GLB1: variants seen among roughly 807,000 people sequenced by gnomAD.
GLB1 encodes the protein galactosidase beta 1.
GLB1 carries 56 observed loss-of-function variants against 74.0 expected under a neutral mutation model. That is an observed-to-expected ratio of 0.76 (90% CI 0.61 to 0.94). The LOEUF is 0.94. Ranked by LOEUF, GLB1 falls within the 40% of genes least tolerant of loss-of-function variation. GLB1 has a pLI of 0.00. For synonymous variants in GLB1, 323 were observed against 323.6 expected, an observed-to-expected ratio of 1.00 and a Z score of 0.02; for missense variants, 787 against 845.5, an observed-to-expected ratio of 0.93 and a Z score of 0.86.
At chr3:32,963,759 T>C in the GLB1 span, among the ~76,000 whole-genome samples, 1 of 152,228 alleles carries the variant, frequency 6.6e-6, no homozygotes, top group African/African-American at 2.4e-5. Context: ...CCCAAACTGT[T>C]AGCCATTTTA....
intron 11 of GLB1, among the ~76,000 whole-genome samples, chr3:33,024,038 T>A (rs1255466081): frequency 6.6e-6 from 1 of 152,216 alleles, no homozygotes; most frequent in Admixed American, 6.5e-5. Flanking sequence ...ATGTCTCATC[T>A]GCTCATCCTG....
chr3:32,997,416 T>C lies in GLB1; in HGVS notation c.1735-72A>G. 1.4e-5 allele frequency: 23 copies of C among 1,597,392 alleles called. No individual in the cohort carries two copies. In the South Asian group the frequency reaches 2.1e-4, roughly 15 times the overall value. On this transcript the variant is annotated intron_variant, in intron 15 of 15. Transcript: ENST00000307363. Reference sequence around the variant, plus strand: ...GCCCTGAGGAAGGTGGGGGCCCTGATGTAGGGCAGGCCAGCAGCAATGGAG... The same window carrying C: ...GCCCTGAGGAAGGTGGGGGCCCTGACGTAGGGCAGGCCAGCAGCAATGGAG...
At chr3:33,076,953 A>G in intron 1 of GLB1, 1 of 778,398 alleles carries the variant, frequency 1.3e-6, no homozygotes, top group South Asian at 1.9e-5. Flanking sequence ...CCCGGACACA[A>G]TGGCTCATGC....
chr3:32,996,793 C>A lies in GLB1; in HGVS notation c.*252G>T. ...ATTCTTCCAAAATAAAAATCACTACCACCTTTAAAGCTTCCATTCCAGCCC... is the reference window on the plus strand; with the variant it reads ...ATTCTTCCAAAATAAAAATCACTACAACCTTTAAAGCTTCCATTCCAGCCC... On this transcript the variant is annotated 3_prime_UTR_variant, in exon 16 of 16. Coordinates refer to ENST00000307363, the MANE Select transcript of GLB1 (RefSeq NM_000404.4). The A allele has an allele frequency of 1.9e-6, 1 of 540,346 alleles. No individual in the cohort carries two copies. Among genetic ancestry groups the A allele is most frequent in the Non-Finnish European group, 3.2e-6 (1 of 311,888 alleles). The allele number at this position is 540,346 out of a possible 1,614,324, so 33.5% of individuals were successfully genotyped here. A position where few individuals can be genotyped will look rare whatever the true frequency, so the allele number is the denominator to read the frequency against.
intron 10 of GLB1, among the ~76,000 whole-genome samples, chr3:33,037,423 C>G (rs1698327069): frequency 6.6e-6 from 1 of 152,088 alleles, no homozygotes; most frequent in South Asian, 2.1e-4. Context: ...TATACCTCAA[C>G]AAATCTGTTT....
chr3:33,065,987 AAT>A (rs1699663318), intron 4 of GLB1, among the ~76,000 whole-genome samples: 1 of 150,900 alleles, frequency 6.6e-6, no homozygotes, highest in African/African-American at 2.4e-5. Flanking sequence ...AAAAAAAAAA[AAT>A]TATGATTTAG....
intron 10 of GLB1, chr3:33,045,325 C>T (rs1698697220): frequency 2.1e-6 from 2 of 971,262 alleles, no homozygotes; most frequent in Admixed American, 6.2e-5. Context: ...TATTGAGTGC[C>T]ATTTATTTTT....
chr3:33,082,906 T>A (rs1700373677), intron 1 of GLB1, among the ~76,000 whole-genome samples: 2 of 152,008 alleles, frequency 1.3e-5, no homozygotes, highest in Admixed American at 1.3e-4. Context: ...AGAGAGGGGA[T>A]CAAGATGGAC....
At chr3:33,029,809 GTA>G (rs1491192916) in intron 10 of GLB1, among the ~76,000 whole-genome samples, 1 of 152,116 alleles carries the variant, frequency 6.6e-6, no homozygotes, top group East Asian at 1.9e-4. Context: ...AGGGTGGTAG[GTA>G]GGAGGAGGCA....
At chr3:33,092,006 C>T (rs1700784062) in intron 1 of GLB1, 5 of 984,470 alleles carry the variant, frequency 5.1e-6, no homozygotes, top group Non-Finnish European at 6.0e-6. Context: ...TCTCTCTTTG[C>T]CTTGGTTTCC....
At chr3:33,053,056 G>A (rs1007135715) in intron 7 of GLB1, among the ~76,000 whole-genome samples, 2 of 152,178 alleles carry the variant, frequency 1.3e-5, no homozygotes, top group South Asian at 2.1e-4. Flanking sequence ...CGGGAAGAAC[G>A]GAGAGAGAAG....
chr3:33,075,974 G>A (rs1334549315), intron 1 of GLB1, among the ~76,000 whole-genome samples: 4 of 151,738 alleles, frequency 2.6e-5, no homozygotes, highest in Non-Finnish European at 5.9e-5. Context: ...GAACCTGGGA[G>A]GCGGAGCTTG....
intron 12 of GLB1, among the ~76,000 whole-genome samples, chr3:33,019,683 G>T (rs550478414): frequency 6.6e-6 from 1 of 152,246 alleles, no homozygotes; most frequent in South Asian, 2.1e-4. Flanking sequence ...TCTCCTTCTG[G>T]TTCATTTATT....
chr3:33,080,103 T>G (rs1203865686), intron 1 of GLB1, among the ~76,000 whole-genome samples: 2 of 146,948 alleles, frequency 1.4e-5, no homozygotes, highest in Non-Finnish European at 3.0e-5. Context: ...TTTTTTTTTG[T>G]TTGTTTGTTT....
At chr3:33,026,010 G>A (rs1001859631) in intron 10 of GLB1, among the ~76,000 whole-genome samples, 3 of 152,330 alleles carry the variant, frequency 2.0e-5, no homozygotes, top group Admixed American at 2.0e-4. Flanking sequence ...GCTGGTGGGG[G>A]AGCAGCGTGG....
intron 1 of GLB1, chr3:33,096,490 G>C (rs1701033592): frequency 2.0e-6 from 2 of 985,056 alleles, no homozygotes; most frequent in Admixed American, 1.2e-4. Flanking sequence ...GACGGGGAGT[G>C]GTGAGAAAGG....
the GLB1 span, among the ~76,000 whole-genome samples, chr3:32,974,003 A>AAGGCAGAG: frequency 2.0e-5 from 3 of 152,260 alleles, no homozygotes; most frequent in African/African-American, 7.2e-5. Flanking sequence ...AGGCTAGGGC[A>AAGGCAGAG]AGGCAGAGCT....
Position 33,093,709 on chromosome 3 carries a change from C to T in GLB1, c.75+3302G>A, listed in dbSNP as rs374474257. ...CCCACTGCCAGGGCAGGCCTGAGCACGAGCTTCCTTGTCTTCTCAAGGCTG... is the reference window on the plus strand; with the variant it reads ...CCCACTGCCAGGGCAGGCCTGAGCATGAGCTTCCTTGTCTTCTCAAGGCTG... On this transcript the variant is annotated intron_variant, in intron 1 of 15. Transcript: ENST00000307363. This position sits in a 1 kb window ranked among gnomAD's most constrained non-coding sequence, Gnocchi z 6.0. The T allele has an allele frequency of 2.1e-5, 34 of 1,614,122 alleles. No homozygotes were observed. In the African/African-American group the frequency reaches 3.3e-4, roughly 16 times the overall value.
the GLB1 span, among the ~76,000 whole-genome samples, chr3:32,977,614 T>A: frequency 6.6e-6 from 1 of 152,194 alleles, no homozygotes; most frequent in Non-Finnish European, 1.5e-5. Context: ...AATGGAGTCA[T>A]GGAAGCCTTG....
Sources: allele counts gnomAD v4.1 joint callset (sites outside exome capture counted in the v4.1 genomes callset), GRCh38; gene constraint gnomAD v4.1.1; non-coding constraint Gnocchi (gnomAD v3.1); transcripts MANE v1.5; gene names NCBI Gene and HGNC (gene_info 2026-07-23, HGNC 2026-07-21).